The following PCDHA5 variants were observed in gnomAD, a reference collection of about 807,000 sequenced individuals.
PCDHA5 encodes protocadherin alpha-5.
In PCDHA5, 43 loss-of-function variants were observed where a neutral mutation model predicts 61.6. The observed-to-expected ratio is 0.70, with a 90% CI of 0.55 to 0.90. The LOEUF (loss-of-function observed/expected upper bound fraction) is 0.90. PCDHA5 is among the 40% of genes least tolerant of loss of function. PCDHA5 has a pLI of 0.00. For synonymous variants in PCDHA5, 627 were observed against 543.9 expected, an observed-to-expected ratio of 1.15 and a Z score of -2.13; for missense variants, 1,298 against 1,222.7, an observed-to-expected ratio of 1.06 and a Z score of -0.92.
At chr5:140,948,027 G>T (rs530195389) in intron 1 of PCDHA5, among the ~76,000 whole-genome samples, 1 of 151,544 alleles carries the variant, frequency 6.6e-6, no homozygotes, top group Non-Finnish European at 1.5e-5. Flanking sequence ...TTTCTGGTTT[G>T]CTCAGAGTTT....
intron 1 of PCDHA5, among the ~76,000 whole-genome samples, chr5:140,951,625 A>T (rs2094607568): frequency 6.6e-6 from 1 of 152,114 alleles, no homozygotes; most frequent in African/African-American, 2.4e-5. Flanking sequence ...CAAGGGGGAA[A>T]CCTGCCCCAT....
chr5:140,967,090 G>A (rs1320117719), intron 1 of PCDHA5: 2 of 1,613,240 alleles, frequency 1.2e-6, no homozygotes, highest in African/African-American at 2.7e-5. Context: ...TTGATCGGGA[G>A]GCGCTGTGTG....
chr5:140,846,705 G>C (rs1780632800), intron 1 of PCDHA5, among the ~76,000 whole-genome samples: 1 of 149,364 alleles, frequency 6.7e-6, no homozygotes, highest in Admixed American at 6.7e-5. Context: ...AGAGAAGATT[G>C]TAATAACCAG....
rs782609302 is a variant in PCDHA5 at position 140,875,595 on chromosome 5, C to T, written c.2352+51468C>T. The T allele has an allele frequency of 6.2e-6, 10 of 1,613,842 alleles. No individual in the cohort carries two copies. The African/African-American group carries it at 8.0e-5, about 13-fold the overall frequency. ...ACTCCGTCTACGAGGAGGCCAAACA[C>T]GGCACCTTCGTGGGCCGCATCGCTC... On this transcript the variant is annotated intron_variant, in intron 1 of 3. Transcript: ENST00000529859.
At position 140,829,344 on chromosome 5, in the gene PCDHA5, T is replaced by A. The variant is rs2150166277; in HGVS notation, c.2352+5217T>A. 3.7e-6 allele frequency: 6 copies of A among 1,614,240 alleles called. No homozygotes were observed. The Middle Eastern group carries it at 8.3e-4, about 222-fold the overall frequency. On this transcript the variant is annotated intron_variant, in intron 1 of 3. Coordinates refer to ENST00000529859, the MANE Select transcript of PCDHA5 (RefSeq NM_018908.3). ...GACAGTGCCCTGGACCGCGAGAGCG[T>A]GTCGGCCTATGAGTTGGTGGTAACC...
At chr5:140,848,041 T>C (rs1245564819) in intron 1 of PCDHA5, 2 of 159,606 alleles carry the variant, frequency 1.3e-5, no homozygotes, top group Admixed American at 5.9e-5. Context: ...CTCAATGGAA[T>C]CATTTTAATT....
chr5:140,855,814 G>T, intron 1 of PCDHA5: 1 of 513,024 alleles, frequency 1.9e-6, no homozygotes, highest in Non-Finnish European at 3.4e-6. Context: ...AAGAAAAGTT[G>T]TGAACTCATG....
intron 1 of PCDHA5, chr5:140,843,568 A>G: frequency 6.3e-7 from 1 of 1,595,946 alleles, no homozygotes; most frequent in Non-Finnish European, 8.6e-7. Context: ...GGAGCTGGTC[A>G]TACTCGCAAC....
intron 1 of PCDHA5, chr5:140,876,440 T>G (rs369023443): frequency 3.7e-6 from 6 of 1,613,994 alleles, no homozygotes; most frequent in Admixed American, 1.7e-5. Flanking sequence ...GTTAACGCCA[T>G]TGATAAAGGG....
intron 1 of PCDHA5, chr5:140,883,268 T>G: frequency 6.2e-7 from 1 of 1,614,030 alleles, no homozygotes; most frequent in Non-Finnish European, 8.5e-7. Flanking sequence ...GGCGGGTCAT[T>G]GTACCCTTTT....
At chr5:140,930,403 T>A (rs1337428261) in intron 1 of PCDHA5, 6 of 152,200 alleles carry the variant, frequency 3.9e-5, no homozygotes, top group African/African-American at 1.2e-4. Context: ...CTTTTTTTTT[T>A]TTGAGACAGG....
intron 1 of PCDHA5, among the ~76,000 whole-genome samples, chr5:140,925,081 GA>G (rs2082282278): frequency 1.4e-5 from 2 of 146,052 alleles, no homozygotes; most frequent in African/African-American, 2.7e-5. Flanking sequence ...CGCTCATCTG[GA>G]AAGGAAGGAA....
rs2150131551 is a variant in PCDHA5, at chr5:140,824,017, T to C, written c.2242T>C (p.Ser748Pro). ...GTGCTCCAGCGCGGTGGGGAGCTGG[T>C]CGTACTCGCAGCAGAGGAGACAGAG... ...LLCSSAVGSW[S>P]YSQQRRQRVC... Residue 748 changes from serine to proline, a missense_variant, in exon 1 of 4, where the codon TCG becomes CCG. By Grantham distance (74) the Ser-to-Pro change is moderately conservative (BLOSUM62 -1). Coordinates refer to ENST00000529859, the MANE Select transcript of PCDHA5 (RefSeq NM_018908.3). 1.2e-6 allele frequency: 2 copies of C among 1,613,996 alleles called. No individual in the cohort carries two copies. Among genetic ancestry groups the C allele is most frequent in the South Asian group, 2.2e-5 (2 of 91,074 alleles).
rs2150475866 is a variant in PCDHA5 at position 140,850,252 on chromosome 5, GCGC to G, written c.2352+26128_2352+26130del. The G allele has an allele frequency of 1.9e-6, 3 of 1,593,828 alleles. 1 individual carries two copies. The Admixed American group carries it at 5.1e-5, about 27-fold the overall frequency. On this transcript the variant is annotated intron_variant, in intron 1 of 3. Transcript: ENST00000529859. ...AGCGAGATGGTGCTGCGGTCGGTGG[GCGC>G]CGGCGTAGTGGTGGGGAAGGTGCGC...
chr5:140,843,170 A>C lies in PCDHA5; in HGVS notation c.2352+19043A>C, dbSNP rs781918147. Reference sequence around the variant, plus strand: ...GTATGAGCTGCAGCCAGCTGCAAGCAGCCCTCGCATCCCGTTCCGCGTGGG... The same window carrying C: ...GTATGAGCTGCAGCCAGCTGCAAGCCGCCCTCGCATCCCGTTCCGCGTGGG... On this transcript the variant is annotated intron_variant, in intron 1 of 3. Coordinates refer to ENST00000529859, the MANE Select transcript of PCDHA5 (RefSeq NM_018908.3). 12 of 1,595,956 alleles carry C rather than the reference A, an allele frequency of 7.5e-6. 1 individual carries two copies. The highest frequency in any genetic ancestry group is 8.6e-6 in the Non-Finnish European group (10 of 1,165,596).
chr5:140,851,723 G>A lies in PCDHA5; in HGVS notation c.2352+27596G>A, dbSNP rs1581264682. 7 of 966,358 alleles carry A rather than the reference G, an allele frequency of 7.2e-6. 1 individual carries two copies. In the South Asian group the frequency reaches 1.4e-4, roughly 20 times the overall value. 59.9% of individuals were successfully genotyped at this position (966,358 alleles called of 1,614,324 possible). A position where few individuals can be genotyped will look rare whatever the true frequency, so the allele number is the denominator to read the frequency against. ...CAGCCATGTGAAGATTCGAAACTTC[G>A]AGTTCTTTTGAAATTCAGAGTCTGT... On this transcript the variant is annotated intron_variant, in intron 1 of 3. Transcript: ENST00000529859.
At chr5:140,919,176 C>A (rs2079027921) in intron 1 of PCDHA5, among the ~76,000 whole-genome samples, 2 of 152,184 alleles carry the variant, frequency 1.3e-5, no homozygotes, top group Non-Finnish European at 1.5e-5. Flanking sequence ...GTTGCTATAT[C>A]TTCCTGATTG....
chr5:140,931,864 T>G (rs1554208617), intron 1 of PCDHA5, among the ~76,000 whole-genome samples: 1 of 151,976 alleles, frequency 6.6e-6, no homozygotes, highest in African/African-American at 2.4e-5. Flanking sequence ...ATTCTAGAAA[T>G]AAAATATTTA....
chr5:140,830,269 A>T, intron 1 of PCDHA5: 6 of 1,613,514 alleles, frequency 3.7e-6, no homozygotes, highest in Non-Finnish European at 5.1e-6. Flanking sequence ...GCTCGGCGCC[A>T]CCCACCGAGG....
Sources: allele counts gnomAD v4.1 joint callset (sites outside exome capture counted in the v4.1 genomes callset), GRCh38; gene constraint gnomAD v4.1.1; transcripts MANE v1.5; gene names NCBI Gene and HGNC (gene_info 2026-07-23, HGNC 2026-07-21).